FAM81A: variants seen among roughly 807,000 people sequenced by gnomAD.
The protein encoded by FAM81A is protein FAM81A.
FAM81A carries 19 observed loss-of-function variants against 46.7 expected under a neutral mutation model. The observed-to-expected ratio is 0.41, with a 90% CI of 0.28 to 0.60. The LOEUF (loss-of-function observed/expected upper bound fraction) is 0.60, where lower values mean the gene tolerates loss of function less well. FAM81A is among the 20% of genes least tolerant of loss of function. FAM81A has a pLI of 0.34. For missense variants in FAM81A, 377 were observed against 453.5 expected (o/e 0.83, Z 1.53); for synonymous variants, 183 against 152.9 (o/e 1.20, Z -1.45).
At chr15:59,499,223 C>CT (rs1184380391) in intron 4 of FAM81A, among the ~76,000 whole-genome samples, 12 of 152,096 alleles carry the variant, frequency 7.9e-5, no homozygotes, top group Admixed American at 5.9e-4. Context: ...ATATATAATC[C>CT]TTTTTTTATA....
rs139017731 is a variant in FAM81A, at chr15:59,500,268, TTG to T, written c.414-6944_414-6943del. On this transcript the variant is annotated intron_variant, in intron 4 of 8. Transcript: ENST00000288228. Reference sequence around the variant, plus strand: ...TTTGGAAGTTTTCAGCCATTATTTTTTGAATATTTTTTATGCTCTTTTCTCTT... The same window carrying T: ...TTTGGAAGTTTTCAGCCATTATTTTTAATATTTTTTATGCTCTTTTCTCTT... Among the ~76,000 whole-genome samples, 513 of 152,292 alleles carry T rather than the reference TTG, an allele frequency of 3.4e-3. 6 individuals are homozygous for T. The highest frequency in any genetic ancestry group is 0.012 in the African/African-American group (497 of 41,564).
At chr15:59,516,892 A>T in intron 8 of FAM81A, 52 bp downstream of exon 8, 1 of 1,480,090 alleles carries the variant, frequency 6.8e-7, no homozygotes, top group Non-Finnish European at 9.0e-7. Context: ...TTGTTCTAAA[A>T]CCTATTAATT....
rs965203072 is a variant in FAM81A at position 59,492,478 on chromosome 15, A to C, written c.413+89A>C. 14 of 1,042,870 alleles carry C rather than the reference A, an allele frequency of 1.3e-5. No individual in the cohort carries two copies. In the African/African-American group the frequency reaches 1.9e-4, roughly 14 times the overall value. The allele number at this position is 1,042,870 out of a possible 1,614,324, so 64.6% of individuals were successfully genotyped here. On this transcript the variant is annotated intron_variant, in intron 4 of 8. Transcript: ENST00000288228. ...TGGGGAATATATTAATGAAGCCCCA[A>C]AGCAAATGGCTTGCATTCCTTTAGT...
Position 59,459,981 on chromosome 15 carries a change from A to T in FAM81A, c.69A>T (p.Pro23=). ...ACAGCCAGTCCCTGACCATGGCACCATACTCATCTGTAAGCCTCGTGGAGC... is the reference window on the plus strand; with the variant it reads ...ACAGCCAGTCCCTGACCATGGCACCTTACTCATCTGTAAGCCTCGTGGAGC... ...PRHSQSLTMA[P]YSSVSLVEQL... is the part of the protein sequence containing the mutation. The change falls in exon 3 of 9, where the codon CCA becomes CCT. Residue 23 remains proline, a synonymous_variant. Transcript: ENST00000288228. The T allele has an allele frequency of 6.2e-7, 1 of 1,612,386 alleles. No homozygotes were observed. The highest frequency in any genetic ancestry group is 8.5e-7 in the Non-Finnish European group (1 of 1,179,154).
At chr15:59,405,862 C>T (rs2081092072) in intron 2 of FAM81A, among the ~76,000 whole-genome samples, 1 of 152,148 alleles carries the variant, frequency 6.6e-6, no homozygotes, top group East Asian at 1.9e-4. Flanking sequence ...CATCAGGGAC[C>T]CATGTTGCAC....
At position 59,521,456 on chromosome 15, in the gene FAM81A, G is replaced by A. The variant is rs753308914; in HGVS notation, c.*78G>A. The A allele has an allele frequency of 1.1e-5, 16 of 1,492,136 alleles. No individual in the cohort carries two copies. Among genetic ancestry groups the A allele is most frequent in the African/African-American group, 5.6e-5 (4 of 71,072 alleles). The allele number at this position is 1,492,136 out of a possible 1,614,324, so 92.4% of individuals were successfully genotyped here. On this transcript the variant is annotated 3_prime_UTR_variant, in exon 9 of 9. Transcript: ENST00000288228. The stretch of plus-strand genomic sequence containing the variant: ...CGGATACCTCTGTAGCCAGGCCATC[G>A]CTGCATTCAGGATTGTTCCATCCAT...
chr15:59,506,969 G>C (rs550160540), intron 4 of FAM81A, among the ~76,000 whole-genome samples: 3 of 152,194 alleles, frequency 2.0e-5, no homozygotes, highest in Non-Finnish European at 4.4e-5. Flanking sequence ...TTGTACTCAT[G>C]ATCGTTGGAA....
At chr15:59,518,795 A>G (rs1413945976) in intron 8 of FAM81A, among the ~76,000 whole-genome samples, 1 of 151,676 alleles carries the variant, frequency 6.6e-6, no homozygotes, top group African/African-American at 2.4e-5. Flanking sequence ...TTCTAATTAC[A>G]TGTTTTTTAA....
At chr15:59,410,277 C>G (rs181654775) in intron 2 of FAM81A, among the ~76,000 whole-genome samples, 224 of 152,088 alleles carry the variant, frequency 1.5e-3, no homozygotes, top group African/African-American at 5.1e-3. Context: ...GCCTGGGCAA[C>G]AAGAGCGAAA....
At chr15:59,427,946 G>A (rs2081202349) in intron 2 of FAM81A, among the ~76,000 whole-genome samples, 1 of 152,226 alleles carries the variant, frequency 6.6e-6, no homozygotes, top group East Asian at 1.9e-4. Flanking sequence ...TGGGTCATAT[G>A]ATAGCTCTAT....
chr15:59,499,496 C>T (rs1330250553), intron 4 of FAM81A, among the ~76,000 whole-genome samples: 5 of 152,142 alleles, frequency 3.3e-5, no homozygotes, highest in African/African-American at 7.2e-5. Flanking sequence ...CCTTTACCCA[C>T]GCTCTGTGTT....
chr15:59,488,914 G>T (rs1383295061), intron 3 of FAM81A, among the ~76,000 whole-genome samples: 1 of 151,980 alleles, frequency 6.6e-6, no homozygotes, highest in African/African-American at 2.4e-5. Flanking sequence ...AATGAGCCAA[G>T]ATTGTGCCAC....
At chr15:59,427,235 T>A (rs943513167) in intron 2 of FAM81A, among the ~76,000 whole-genome samples, 2 of 152,084 alleles carry the variant, frequency 1.3e-5, no homozygotes, top group African/African-American at 4.8e-5. Flanking sequence ...TTCAGCCTCC[T>A]GAGCAGCTGG....
intron 2 of FAM81A, among the ~76,000 whole-genome samples, chr15:59,429,279 CT>C (rs1172961885): frequency 2.2e-4 from 33 of 152,228 alleles, no homozygotes; most frequent in Middle Eastern, 3.4e-3. Flanking sequence ...TGGTATGAAT[CT>C]TTTTTTCGTT....
intron 3 of FAM81A, among the ~76,000 whole-genome samples, chr15:59,464,977 A>G (rs1213558637): frequency 1.3e-5 from 2 of 151,618 alleles, no homozygotes; most frequent in Non-Finnish European, 2.9e-5. Context: ...GTCCATTTGG[A>G]GTTTATTTTT....
intron 4 of FAM81A, 92 bp downstream of exon 4, chr15:59,492,481 C>T: frequency 9.8e-7 from 1 of 1,022,276 alleles, no homozygotes; most frequent in African/African-American, 1.6e-5. Context: ...AGCCCCAAAG[C>T]AAATGGCTTG....
chr15:59,484,862 C>T (rs2081898315), intron 3 of FAM81A, among the ~76,000 whole-genome samples: 1 of 152,114 alleles, frequency 6.6e-6, no homozygotes, highest in African/African-American at 2.4e-5. Flanking sequence ...TCTTGGATCT[C>T]TAGATGTACC....
intron 4 of FAM81A, 55 bp downstream of exon 4, chr15:59,492,444 C>A: frequency 7.2e-7 from 1 of 1,388,832 alleles, no homozygotes; most frequent in South Asian, 1.2e-5. Context: ...TCTATAAACT[C>A]CATTATAGTG....
Position 59,516,640 on chromosome 15 carries a change from C to T in FAM81A, c.787-5C>T. On this transcript the variant is annotated splice_region_variant and splice_polypyrimidine_tract_variant and intron_variant, in intron 7 of 8. Coordinates refer to ENST00000288228, the MANE Select transcript of FAM81A (RefSeq NM_152450.3). ...ATTAAGTGCAGTTCTTATCATGGATCTCAGGGAGCCAGTGAAAGGGATATG... is the reference window on the plus strand; with the variant it reads ...ATTAAGTGCAGTTCTTATCATGGATTTCAGGGAGCCAGTGAAAGGGATATG... The T allele has an allele frequency of 6.2e-7, 1 of 1,607,812 alleles. No individual in the cohort carries two copies. The highest frequency in any genetic ancestry group is 8.5e-7 in the Non-Finnish European group (1 of 1,178,448).
Sources: allele counts gnomAD v4.1 joint callset (sites outside exome capture counted in the v4.1 genomes callset), GRCh38; gene constraint gnomAD v4.1.1; transcripts MANE v1.5; gene names NCBI Gene and HGNC (gene_info 2026-07-23, HGNC 2026-07-21).